FILIP1: variants seen among roughly 807,000 people sequenced by gnomAD.
FILIP1 encodes the protein filamin A interacting protein 1.
In FILIP1, 61 loss-of-function variants were observed where a neutral mutation model predicts 102.1. The observed-to-expected ratio is 0.60, with a 90% CI of 0.49 to 0.74. The LOEUF is 0.74. FILIP1 is among the 30% of genes least tolerant of loss of function. FILIP1 has a pLI of 0.00. For synonymous variants in FILIP1, 491 were observed against 526.9 expected (o/e 0.93, Z 0.93); for missense variants, 1,314 against 1,441.2 (o/e 0.91, Z 1.43).
At chr6:75,348,827 C>G (rs1253833289) in intron 4 of FILIP1, among the ~76,000 whole-genome samples, 2 of 152,124 alleles carry the variant, frequency 1.3e-5, no homozygotes. Context: ...TCCGAGAGAC[C>G]ACTGTGTCAA....
At chr6:75,437,054 A>G (rs915984166) in intron 1 of FILIP1, among the ~76,000 whole-genome samples, 7 of 152,166 alleles carry the variant, frequency 4.6e-5, no homozygotes, top group African/African-American at 1.7e-4. Flanking sequence ...TCACTTTTCC[A>G]TGCAGACGGA....
chr6:75,365,064 T>C (rs551565823), intron 2 of FILIP1, among the ~76,000 whole-genome samples: 76 of 152,324 alleles, frequency 5.0e-4, no homozygotes, highest in South Asian at 1.0e-3. Flanking sequence ...CTGGAAGTTC[T>C]TGATAACAAA....
chr6:75,305,121 G>A (rs1772943522), downstream of FILIP1, among the ~76,000 whole-genome samples: 1 of 152,142 alleles, frequency 6.6e-6, no homozygotes, highest in South Asian at 2.1e-4. Context: ...TAAAGAGACA[G>A]AAAGGAAACA....
intron 1 of FILIP1, among the ~76,000 whole-genome samples, chr6:75,462,613 C>A (rs1487840771): frequency 6.6e-6 from 1 of 151,876 alleles, no homozygotes; most frequent in African/African-American, 2.4e-5. Flanking sequence ...CATACATATA[C>A]CTATACATAT....
intron 2 of FILIP1, among the ~76,000 whole-genome samples, chr6:75,388,577 C>T (rs1776177023): frequency 1.3e-5 from 2 of 152,108 alleles, no homozygotes; most frequent in South Asian, 4.1e-4. Flanking sequence ...TTGTAGGTCT[C>T]CTGGAAGAGG....
intron 1 of FILIP1, among the ~76,000 whole-genome samples, chr6:75,429,625 G>GT (rs1777754613): frequency 6.6e-6 from 1 of 152,190 alleles, no homozygotes. Context: ...ACCAGAAGAG[G>GT]TAGCAGAGGC....
At chr6:75,449,750 C>G (rs542662882) in intron 1 of FILIP1, among the ~76,000 whole-genome samples, 1 of 152,170 alleles carries the variant, frequency 6.6e-6, no homozygotes, top group African/African-American at 2.4e-5. Context: ...CAGACATTTA[C>G]TCCCAGCTTA....
chr6:75,394,100 AG>A (rs1047068199), intron 2 of FILIP1, among the ~76,000 whole-genome samples: 1 of 152,164 alleles, frequency 6.6e-6, no homozygotes. Context: ...TGCTTCTTGC[AG>A]TTACCATCTC....
At chr6:75,341,070 G>T (rs1347812353) in intron 4 of FILIP1, among the ~76,000 whole-genome samples, 3 of 151,646 alleles carry the variant, frequency 2.0e-5, no homozygotes, top group Admixed American at 2.0e-4. Flanking sequence ...TTAAAAAAAG[G>T]TATTTTTAGA....
chr6:75,309,000 C>G, intron 5 of FILIP1, 103 bp from the exon 6 acceptor site: 1 of 1,213,044 alleles, frequency 8.2e-7, no homozygotes, highest in Non-Finnish European at 1.2e-6. Context: ...CACAGGAACA[C>G]CCACAGAAGA....
At chr6:75,403,524 A>AAAAAAAAAG (rs55907855) in intron 2 of FILIP1, among the ~76,000 whole-genome samples, 74,233 of 133,974 alleles carry the variant, frequency 0.55, 21,133 homozygotes, top group Middle Eastern at 0.62. Context: ...CAAAAAAAAA[A>AAAAAAAAAG]AAAAAAGAAA....
At chr6:75,380,071 A>G (rs1351769404) in intron 2 of FILIP1, among the ~76,000 whole-genome samples, 1 of 152,142 alleles carries the variant, frequency 6.6e-6, no homozygotes, top group Non-Finnish European at 1.5e-5. Context: ...CTTCATAAAT[A>G]TTTGCTGGAT....
At chr6:75,385,127 A>G (rs1776045105) in intron 2 of FILIP1, among the ~76,000 whole-genome samples, 1 of 152,092 alleles carries the variant, frequency 6.6e-6, no homozygotes, top group Non-Finnish European at 1.5e-5. Context: ...CTAAAGAAAT[A>G]GAAATTCAAA....
At chr6:75,363,056 AT>A (rs966611564) in intron 2 of FILIP1, 139 bp from the exon 3 acceptor site, 22,323 of 581,650 alleles carry the variant, frequency 0.038, no homozygotes, top group South Asian at 0.057. Context: ...TTCTGCTCTA[AT>A]TTTTTTTTTT....
chr6:75,293,380 C>T (rs1426942023), exon 7 of FILIP1: 2 of 152,056 alleles, frequency 1.3e-5, no homozygotes, highest in East Asian at 3.8e-4. Context: ...GATCTTATTT[C>T]CTTATTCATT....
chr6:75,324,088 T>C (rs1445972355), intron 4 of FILIP1, among the ~76,000 whole-genome samples: 1 of 152,122 alleles, frequency 6.6e-6, no homozygotes, highest in Non-Finnish European at 1.5e-5. Flanking sequence ...AATGGACTAA[T>C]ACAGGAAGTC....
intron 2 of FILIP1, among the ~76,000 whole-genome samples, chr6:75,410,973 C>T (rs1043852716): frequency 2.0e-5 from 3 of 152,206 alleles, no homozygotes; most frequent in Non-Finnish European, 2.9e-5. Context: ...ACTTCTGGTT[C>T]TAGATCCTTG....
intron 1 of FILIP1, among the ~76,000 whole-genome samples, chr6:75,430,595 C>T (rs2951930): frequency 0.047 from 7,164 of 152,104 alleles, 544 homozygotes; most frequent in African/African-American, 0.16. Flanking sequence ...AACTGGTCTA[C>T]AAAACAGACA....
intron 1 of FILIP1, among the ~76,000 whole-genome samples, chr6:75,469,481 G>T (rs56228311): frequency 0.22 from 33,795 of 151,652 alleles, 4,948 homozygotes; most frequent in Non-Finnish European, 0.34. Context: ...ATTTAATCAG[G>T]TCCACAGAAT....
Sources: allele counts gnomAD v4.1 joint callset (sites outside exome capture counted in the v4.1 genomes callset), GRCh38; gene constraint gnomAD v4.1.1; transcripts MANE v1.5; gene names NCBI Gene and HGNC (gene_info 2026-07-23, HGNC 2026-07-21).